CCSER1: variants seen among roughly 807,000 people sequenced by gnomAD.
CCSER1 encodes coiled-coil serine rich protein 1, also known as serine-rich coiled-coil domain-containing protein 1.
CCSER1 carries 41 observed loss-of-function variants against 82.0 expected under a neutral mutation model. The observed-to-expected ratio is 0.50, with a 90% CI of 0.39 to 0.65. CCSER1 has a LOEUF of 0.65. Among genes scored for constraint, CCSER1 ranks in the 30% least tolerant of loss-of-function variants. The probability of loss-of-function intolerance (pLI) is 0.00; values close to 1 mark genes in which losing one functional copy is unlikely to be tolerated. For missense variants in CCSER1, 1,119 were observed against 1,064.2 expected (o/e 1.05, Z -0.72); for synonymous variants, 414 against 383.9 (o/e 1.08, Z -0.92).
chr4:90,849,081 G>A (rs1763540089), intron 8 of CCSER1, among the ~76,000 whole-genome samples: 2 of 152,164 alleles, frequency 1.3e-5, no homozygotes, highest in South Asian at 4.1e-4. Context: ...GCATTAAGTG[G>A]GGTACTGCTG....
Position 90,309,267 on chromosome 4 carries a change from G to A in CCSER1, c.983G>A (p.Gly328Asp), listed in dbSNP as rs1287166427. The change falls in exon 2 of 11, where the codon GGT becomes GAT. Residue 328 changes from glycine (G) to aspartate (D), a missense_variant. Gly to Asp is a moderately conservative substitution (Grantham distance 94). Coordinates refer to ENST00000509176, the MANE Select transcript of CCSER1 (RefSeq NM_001145065.2). Reference protein sequence around the residue: ...IMSPGKYRLEGQCSTESNSLP... With the variant: ...IMSPGKYRLEDQCSTESNSLP... ...TCTCCTGGGAAATATAGGTTAGAGG[G>A]TCAATGTAGCACTGAATCTAATTCA... 2.5e-6 allele frequency: 4 copies of A among 1,613,734 alleles called. No homozygotes were observed. In the African/African-American group the frequency reaches 5.3e-5, roughly 22 times the overall value.
chr4:91,317,345 C>T (rs947083741), intron 10 of CCSER1, among the ~76,000 whole-genome samples: 10 of 151,846 alleles, frequency 6.6e-5, no homozygotes, highest in Non-Finnish European at 1.2e-4. Flanking sequence ...CCAGATATCC[C>T]GAGGGCTAAT....
At chr4:90,868,441 G>A (rs998804188) in intron 8 of CCSER1, among the ~76,000 whole-genome samples, 2 of 151,832 alleles carry the variant, frequency 1.3e-5, no homozygotes, top group African/African-American at 4.8e-5. Context: ...AAATAGGTGG[G>A]AACATGCAAA....
At chr4:90,235,950 A>AT (rs1033346101) in intron 1 of CCSER1, among the ~76,000 whole-genome samples, 5 of 151,504 alleles carry the variant, frequency 3.3e-5, no homozygotes, top group East Asian at 1.9e-4. Flanking sequence ...AAAATAAGTA[A>AT]TTTTTTTTTG....
chr4:91,479,042 A>G (rs946471067), intron 10 of CCSER1, among the ~76,000 whole-genome samples: 2 of 151,838 alleles, frequency 1.3e-5, no homozygotes, highest in East Asian at 1.9e-4. Context: ...ATGTTTCACT[A>G]TTCATTAGAG....
chr4:91,036,490 CA>C (rs949281253), intron 9 of CCSER1, among the ~76,000 whole-genome samples: 1 of 152,092 alleles, frequency 6.6e-6, no homozygotes, highest in Non-Finnish European at 1.5e-5. Context: ...TTCCCCAAAT[CA>C]GAATATTGTA....
At chr4:91,538,085 C>A (rs73838038) in intron 10 of CCSER1, among the ~76,000 whole-genome samples, 8,380 of 152,008 alleles carry the variant, frequency 0.055, 249 homozygotes, top group Middle Eastern at 0.079. Flanking sequence ...TTCATACAAC[C>A]ACTATTCAAT....
intron 6 of CCSER1, among the ~76,000 whole-genome samples, chr4:90,638,727 C>T (rs766021573): frequency 7.9e-5 from 12 of 152,102 alleles, no homozygotes; most frequent in Non-Finnish European, 1.6e-4. Context: ...TTCCATGACT[C>T]TTGCTTTGTA....
At chr4:91,491,567 A>G (rs1052651840) in intron 10 of CCSER1, among the ~76,000 whole-genome samples, 2 of 152,144 alleles carry the variant, frequency 1.3e-5, no homozygotes, top group Admixed American at 6.5e-5. Flanking sequence ...CAGCATAGGT[A>G]AAACTATACC....
At chr4:91,173,968 A>G (rs1733040932) in intron 10 of CCSER1, among the ~76,000 whole-genome samples, 1 of 152,204 alleles carries the variant, frequency 6.6e-6, no homozygotes, top group Admixed American at 6.5e-5. Flanking sequence ...TAGTTTTTAT[A>G]TATATATTTG....
intron 10 of CCSER1, among the ~76,000 whole-genome samples, chr4:91,288,305 A>G (rs1052778822): frequency 6.6e-6 from 1 of 151,670 alleles, no homozygotes; most frequent in Non-Finnish European, 1.5e-5. Context: ...CAAATTCACA[A>G]TTTTTCTTTA....
chr4:90,766,652 T>C (rs181726178), intron 7 of CCSER1, among the ~76,000 whole-genome samples: 1 of 152,138 alleles, frequency 6.6e-6, no homozygotes, highest in East Asian at 1.9e-4. Flanking sequence ...TAAAAAAATA[T>C]ATATATAAGC....
chr4:91,147,212 C>T (rs969939498), intron 10 of CCSER1, among the ~76,000 whole-genome samples: 6 of 152,268 alleles, frequency 3.9e-5, no homozygotes, highest in Non-Finnish European at 7.3e-5. Flanking sequence ...GCGGTGGTTT[C>T]ATGGGTGTGC....
chr4:91,043,091 G>T (rs1742112039), intron 9 of CCSER1, among the ~76,000 whole-genome samples: 1 of 151,312 alleles, frequency 6.6e-6, no homozygotes. Context: ...GAAAACAAAA[G>T]CCCAAAGAAA....
At chr4:90,369,206 A>AAAG (rs199703368) in intron 3 of CCSER1, among the ~76,000 whole-genome samples, 27,878 of 110,242 alleles carry the variant, frequency 0.25, 4,351 homozygotes, top group African/African-American at 0.35. Flanking sequence ...GAGGAGGAAG[A>AAAG]AAGAAGAAGA....
At chr4:90,976,728 G>A (rs533954308) in intron 9 of CCSER1, among the ~76,000 whole-genome samples, 2 of 151,558 alleles carry the variant, frequency 1.3e-5, no homozygotes, top group East Asian at 1.9e-4. Context: ...TGTTGCCAAA[G>A]AAAATATTTC....
At chr4:90,406,933 T>C (rs1052877268) in intron 4 of CCSER1, among the ~76,000 whole-genome samples, 1 of 151,922 alleles carries the variant, frequency 6.6e-6, no homozygotes, top group Non-Finnish European at 1.5e-5. Flanking sequence ...CAATCTAAGC[T>C]CACACCTCAC....
At chr4:90,842,047 A>G (rs922834842) in intron 8 of CCSER1, among the ~76,000 whole-genome samples, 1 of 152,164 alleles carries the variant, frequency 6.6e-6, no homozygotes, top group African/African-American at 2.4e-5. Context: ...TCCCATTAAA[A>G]AACACAGCTT....
intron 10 of CCSER1, among the ~76,000 whole-genome samples, chr4:91,517,250 G>C (rs1760177948): frequency 6.6e-6 from 1 of 152,106 alleles, no homozygotes; most frequent in Non-Finnish European, 1.5e-5. Flanking sequence ...GGAGTAGTGA[G>C]AGAGGGCATC....
Sources: allele counts gnomAD v4.1 joint callset (sites outside exome capture counted in the v4.1 genomes callset), GRCh38; gene constraint gnomAD v4.1.1; transcripts MANE v1.5; gene names NCBI Gene and HGNC (gene_info 2026-07-23, HGNC 2026-07-21).